Variants in EIF4G3 observed in about 807,000 individuals in gnomAD.
The protein encoded by EIF4G3 is eukaryotic translation initiation factor 4 gamma 3, also known as eIF-4-gamma 3.
A neutral mutation model predicts 186.4 loss-of-function variants in EIF4G3; 34 were observed. The observed-to-expected ratio is 0.18, with a 90% CI of 0.14 to 0.24. EIF4G3 has a LOEUF of 0.24. EIF4G3 is among the 10% of genes least tolerant of loss of function. EIF4G3 has a pLI of 1.00. For synonymous variants in EIF4G3, 673 were observed against 679.5 expected (o/e 0.99, Z 0.15); for missense variants, 1,536 against 1,948.5 (o/e 0.79, Z 3.99).
chr1:20,963,299 T>C (rs905074657), intron 12 of EIF4G3, among the ~76,000 whole-genome samples: 4 of 152,292 alleles, frequency 2.6e-5, no homozygotes, highest in African/African-American at 9.6e-5. Flanking sequence ...ATTATCACAA[T>C]GTCCAAAAAA....
chr1:20,807,755 GTTTTTTTT>G (rs67864326), intron 36 of EIF4G3, among the ~76,000 whole-genome samples: 2 of 63,868 alleles, frequency 3.1e-5, no homozygotes, highest in African/African-American at 6.2e-5. Flanking sequence ...CTTTTTTTCT[GTTTTTTTT>G]TTTTTTTTTT....
chr1:21,102,866 G>T (rs1382369728), intron 2 of EIF4G3, among the ~76,000 whole-genome samples: 1 of 151,972 alleles, frequency 6.6e-6, no homozygotes, highest in African/African-American at 2.4e-5. Flanking sequence ...AATGTCAAGA[G>T]AAAAAAATTA....
At chr1:20,839,333 G>A (rs564087949) in intron 30 of EIF4G3, among the ~76,000 whole-genome samples, 7 of 152,078 alleles carry the variant, frequency 4.6e-5, no homozygotes, top group South Asian at 2.1e-4. Context: ...GGCTGGTCTC[G>A]AACTCCTGAC....
chr1:20,975,492 A>G (rs576409050), intron 10 of EIF4G3, among the ~76,000 whole-genome samples: 1 of 151,918 alleles, frequency 6.6e-6, no homozygotes, highest in South Asian at 2.1e-4. Context: ...ACAGAACAAG[A>G]TAATCTCAAT....
chr1:20,985,701 T>C (rs1216177721), intron 7 of EIF4G3, among the ~76,000 whole-genome samples: 1 of 152,150 alleles, frequency 6.6e-6, no homozygotes, highest in Non-Finnish European at 1.5e-5. Flanking sequence ...ATCCTTCAAA[T>C]TTCTTTTCTT....
At chr1:21,163,355 A>G (rs1359054457) in intron 2 of EIF4G3, among the ~76,000 whole-genome samples, 3 of 152,214 alleles carry the variant, frequency 2.0e-5, no homozygotes, top group Non-Finnish European at 1.5e-5. Flanking sequence ...TCAAACTCTA[A>G]TATTTCTGAA....
chr1:20,829,013 A>G, intron 31 of EIF4G3, 134 bp downstream of exon 31: 1 of 899,200 alleles, frequency 1.1e-6, no homozygotes, highest in Non-Finnish European at 1.7e-6. Flanking sequence ...TGAAATCAGA[A>G]GTCTTAAAGA....
chr1:21,068,708 A>G (rs1229044807), intron 3 of EIF4G3, among the ~76,000 whole-genome samples: 1 of 152,180 alleles, frequency 6.6e-6, no homozygotes, highest in Non-Finnish European at 1.5e-5. Context: ...TACAGTTGTC[A>G]TAAGGATTGA....
intron 14 of EIF4G3, among the ~76,000 whole-genome samples, chr1:20,916,619 A>G (rs1031447476): frequency 3.3e-5 from 5 of 152,186 alleles, no homozygotes; most frequent in African/African-American, 1.2e-4. Context: ...TTATAAAATG[A>G]ATCTAGAAAA....
chr1:21,089,151 G>C lies in EIF4G3; in HGVS notation c.-209C>G, dbSNP rs1294974130. 2 of 717,282 alleles carry C rather than the reference G, an allele frequency of 2.8e-6. No individual in the cohort carries two copies. The highest frequency in any genetic ancestry group is 3.5e-5 in the African/African-American group (2 of 57,266). The allele number at this position is 717,282 out of a possible 1,614,324, so 44.4% of individuals were successfully genotyped here. A position where few individuals can be genotyped will look rare whatever the true frequency, so the allele number is the denominator to read the frequency against. On this transcript the variant is annotated 5_prime_UTR_variant, in exon 3 of 37. Coordinates refer to ENST00000602326, the MANE Select transcript of EIF4G3 (RefSeq NM_001391906.1). ...TCAGACACTCACCGTGCTGTAGACT[G>C]CTGAGACAGCGGGAGTGAAGATTCG...
chr1:20,954,319 C>T (rs1409658988), intron 12 of EIF4G3, among the ~76,000 whole-genome samples: 5 of 151,822 alleles, frequency 3.3e-5, no homozygotes, highest in Admixed American at 6.6e-5. Context: ...GGGTGGATCA[C>T]GACGTTAAGA....
At position 21,176,863 on chromosome 1, in the gene EIF4G3, G is replaced by A. The variant is rs1398263893; in HGVS notation, c.-597C>T. Reference sequence around the variant, plus strand: ...CAACGAGCAGAGCATCCAACATGGCGCTGTGGCCGCCTCCAGCAGTCCGGC... The same window carrying A: ...CAACGAGCAGAGCATCCAACATGGCACTGTGGCCGCCTCCAGCAGTCCGGC... On this transcript the variant is annotated 5_prime_UTR_variant, in exon 1 of 37. Coordinates refer to ENST00000602326, the MANE Select transcript of EIF4G3 (RefSeq NM_001391906.1). 8 of 699,876 alleles carry A rather than the reference G, an allele frequency of 1.1e-5. No homozygotes were observed. The highest frequency in any genetic ancestry group is 8.8e-5 in the African/African-American group (5 of 57,018). 43.4% of individuals were successfully genotyped at this position (699,876 alleles called of 1,614,324 possible).
At chr1:20,894,950 C>G (rs1183081966) in intron 17 of EIF4G3, among the ~76,000 whole-genome samples, 1 of 152,164 alleles carries the variant, frequency 6.6e-6, no homozygotes, top group Non-Finnish European at 1.5e-5. Context: ...TGTTGACTCT[C>G]ACTTATGTTT....
chr1:20,880,998 C>G (rs895886392), intron 19 of EIF4G3, among the ~76,000 whole-genome samples: 9 of 152,052 alleles, frequency 5.9e-5, no homozygotes, highest in Non-Finnish European at 1.3e-4. Flanking sequence ...AACACACACA[C>G]ACAAATACAA....
intron 4 of EIF4G3, among the ~76,000 whole-genome samples, chr1:21,034,086 C>T (rs2092979571): frequency 6.6e-6 from 1 of 152,126 alleles, no homozygotes; most frequent in Admixed American, 6.5e-5. Flanking sequence ...CAGAGGGAGA[C>T]TGTCTGAAAG....
At chr1:20,954,667 T>TATG (rs2096352364) in intron 12 of EIF4G3, among the ~76,000 whole-genome samples, 1 of 151,922 alleles carries the variant, frequency 6.6e-6, no homozygotes, top group Non-Finnish European at 1.5e-5. Context: ...TGTGTGTCAA[T>TATG]ATGTGTGTAT....
intron 4 of EIF4G3, among the ~76,000 whole-genome samples, chr1:21,023,340 T>C (rs956169002): frequency 2.1e-5 from 3 of 142,936 alleles, no homozygotes; most frequent in Admixed American, 1.4e-4. Flanking sequence ...ACTGTACTGC[T>C]GCCATCTCGG....
chr1:20,903,490 C>T (rs909535531), intron 15 of EIF4G3, among the ~76,000 whole-genome samples: 11 of 152,158 alleles, frequency 7.2e-5, no homozygotes, highest in Non-Finnish European at 4.4e-5. Context: ...ACAGCCACAG[C>T]AGGAATGTAT....
At chr1:21,038,841 CCTA>C (rs1483536542) in intron 4 of EIF4G3, among the ~76,000 whole-genome samples, 10 of 152,244 alleles carry the variant, frequency 6.6e-5, no homozygotes, top group African/African-American at 2.4e-4. Context: ...GCTTTCTTCA[CCTA>C]CTTAGAAAAA....
Sources: allele counts gnomAD v4.1 joint callset (sites outside exome capture counted in the v4.1 genomes callset), GRCh38; gene constraint gnomAD v4.1.1; transcripts MANE v1.5; gene names NCBI Gene and HGNC (gene_info 2026-07-23, HGNC 2026-07-21).